NAALADL2: variants seen among roughly 807,000 people sequenced by gnomAD.
NAALADL2 encodes the protein N-acetylated alpha-linked acidic dipeptidase like 2.
Under a neutral mutation model 87.2 loss-of-function variants are expected in NAALADL2, and 76 were observed. That is an observed-to-expected ratio of 0.87 (90% CI 0.72 to 1.05). The LOEUF (loss-of-function observed/expected upper bound fraction) is 1.05, where lower values mean the gene tolerates loss of function less well. Among genes scored for constraint, NAALADL2 ranks in the 50% least tolerant of loss-of-function variants. The probability of loss-of-function intolerance (pLI) is 0.00; values close to 1 mark genes in which losing one functional copy is unlikely to be tolerated. For synonymous variants in NAALADL2, 354 were observed against 331.0 expected (o/e 1.07, Z -0.75); for missense variants, 1,089 against 945.8 (o/e 1.15, Z -1.99).
chr3:174,727,275 C>T (rs1189273179), intron 2 of NAALADL2, among the ~76,000 whole-genome samples: 1 of 144,202 alleles, frequency 6.9e-6, no homozygotes, highest in Non-Finnish European at 1.5e-5. Flanking sequence ...TTGAATTCCA[C>T]TTTCTAAAAA....
intron 5 of NAALADL2, among the ~76,000 whole-genome samples, chr3:175,406,735 T>C (rs1017962682): frequency 2.0e-5 from 3 of 152,174 alleles, no homozygotes; most frequent in Admixed American, 6.5e-5. Context: ...TGTCTTTTAT[T>C]TTTGAAGTTT....
intron 1 of NAALADL2, among the ~76,000 whole-genome samples, chr3:174,496,510 T>TTA (rs5854577): frequency 0.023 from 3,287 of 145,676 alleles, 44 homozygotes; most frequent in Middle Eastern, 0.029. Context: ...TATTTATATA[T>TTA]TATATATATA....
intron 2 of NAALADL2, among the ~76,000 whole-genome samples, chr3:174,615,552 C>T (rs1205502781): frequency 6.6e-6 from 1 of 152,128 alleles, no homozygotes; most frequent in Non-Finnish European, 1.5e-5. Flanking sequence ...AAACCTTCTT[C>T]TAATAAGCCT....
chr3:175,169,833 A>G lies in NAALADL2; in HGVS notation c.546-64098A>G, dbSNP rs1463414241. Among the ~76,000 whole-genome samples, 3 of 151,782 alleles carry G rather than the reference A, an allele frequency of 2.0e-5. No individual in the cohort carries two copies. In the East Asian group the frequency reaches 5.8e-4, roughly 29 times the overall value. On this transcript the variant is annotated intron_variant, in intron 2 of 13. Transcript: ENST00000454872. ...TAGGAATAGATACCTGGAGACACAT[A>G]TTTGTTAAGTTTCTGATATAGCTTG...
At chr3:175,235,151 A>G (rs542800227) in intron 3 of NAALADL2, 1 of 152,172 alleles carries the variant, frequency 6.6e-6, no homozygotes, top group South Asian at 2.1e-4. Context: ...AATGGCACAA[A>G]TGTTTCAGAA....
At chr3:175,545,711 T>C (rs1220952527) in intron 9 of NAALADL2, among the ~76,000 whole-genome samples, 3 of 152,166 alleles carry the variant, frequency 2.0e-5, no homozygotes, top group Non-Finnish European at 4.4e-5. Context: ...GTTAGCTTAA[T>C]AAAAGTTGAA....
At chr3:175,257,280 T>C (rs1750140701) in intron 4 of NAALADL2, 1 of 151,776 alleles carries the variant, frequency 6.6e-6, no homozygotes, top group Non-Finnish European at 1.5e-5. Flanking sequence ...TCATTCAACC[T>C]TAAATGAGCT....
chr3:174,465,663 T>C (rs1716489854), intron 1 of NAALADL2, among the ~76,000 whole-genome samples: 1 of 152,204 alleles, frequency 6.6e-6, no homozygotes, highest in South Asian at 2.1e-4. Context: ...TTAATACTTT[T>C]GTAATGTTAT....
intron 2 of NAALADL2, among the ~76,000 whole-genome samples, chr3:174,660,475 C>G (rs1262021603): frequency 6.6e-6 from 1 of 152,170 alleles, no homozygotes; most frequent in East Asian, 1.9e-4. Flanking sequence ...GTGATTTGTT[C>G]ACAATGACAA....
intron 1 of NAALADL2, among the ~76,000 whole-genome samples, chr3:174,453,089 T>C (rs754131906): frequency 4.6e-5 from 7 of 152,150 alleles, no homozygotes; most frequent in South Asian, 2.1e-4. Flanking sequence ...GAAAAGAATG[T>C]AACTGACCTG....
chr3:175,213,894 G>A (rs1000153065), intron 2 of NAALADL2, among the ~76,000 whole-genome samples: 1 of 151,982 alleles, frequency 6.6e-6, no homozygotes, highest in African/African-American at 2.4e-5. Flanking sequence ...CATATGACAT[G>A]GGATATCCCA....
At chr3:175,344,348 CA>C (rs911704230) in intron 5 of NAALADL2, among the ~76,000 whole-genome samples, 5 of 151,806 alleles carry the variant, frequency 3.3e-5, no homozygotes, top group African/African-American at 9.7e-5. Flanking sequence ...TCTACTTTTA[CA>C]CAATATGGTA....
chr3:174,565,761 G>T (rs989010475), intron 2 of NAALADL2, among the ~76,000 whole-genome samples: 1 of 151,944 alleles, frequency 6.6e-6, no homozygotes, highest in African/African-American at 2.4e-5. Flanking sequence ...GTCTTCTGAG[G>T]TGTCTGTACC....
chr3:174,691,230 G>GGCAAAACCCCA (rs1728544678), intron 2 of NAALADL2, among the ~76,000 whole-genome samples: 2 of 152,028 alleles, frequency 1.3e-5, no homozygotes, highest in African/African-American at 4.8e-5. Context: ...TGTCCAACAT[G>GGCAAAACCCCA]GCAAAACCCC....
intron 13 of NAALADL2, among the ~76,000 whole-genome samples, chr3:175,790,741 C>T (rs1006319065): frequency 2.0e-5 from 3 of 152,202 alleles, no homozygotes; most frequent in African/African-American, 7.2e-5. Context: ...ACTTGAACAA[C>T]ACTTTCAAAT....
chr3:174,509,474 T>C (rs368578069), intron 1 of NAALADL2, among the ~76,000 whole-genome samples: 4 of 149,186 alleles, frequency 2.7e-5, no homozygotes, highest in African/African-American at 9.8e-5. Flanking sequence ...TGGTATCTGC[T>C]CACTGCAACC....
At chr3:174,690,071 A>G (rs546098027) in intron 2 of NAALADL2, among the ~76,000 whole-genome samples, 2 of 152,304 alleles carry the variant, frequency 1.3e-5, no homozygotes, top group African/African-American at 4.8e-5. Context: ...AATATTTAAT[A>G]TATGATATTA....
At chr3:175,612,912 T>G (rs1309418047) in intron 10 of NAALADL2, among the ~76,000 whole-genome samples, 1 of 152,212 alleles carries the variant, frequency 6.6e-6, no homozygotes, top group Non-Finnish European at 1.5e-5. Flanking sequence ...AATAATTTTA[T>G]TCATTGTGTT....
rs1295251379 is a variant in NAALADL2 at position 175,063,288 on chromosome 3, T to G, written c.44-33502T>G. Reference sequence around the variant, plus strand: ...TGTTAGTTAAATAGTATTTAAAAATTAAACAATTGATTTGATAAATATGTA... The same window carrying G: ...TGTTAGTTAAATAGTATTTAAAAATGAAACAATTGATTTGATAAATATGTA... On this transcript the variant is annotated intron_variant, in intron 1 of 13. Transcript: ENST00000454872. Among the ~76,000 whole-genome samples the G allele has an allele frequency of 5.9e-5, 9 of 152,222 alleles. No homozygotes were observed. In the East Asian group the frequency reaches 1.6e-3, roughly 26 times the overall value.
Sources: allele counts gnomAD v4.1 joint callset (sites outside exome capture counted in the v4.1 genomes callset), GRCh38; gene constraint gnomAD v4.1.1; transcripts MANE v1.5; gene names NCBI Gene and HGNC (gene_info 2026-07-23, HGNC 2026-07-21).